SYNE4: variants seen among roughly 807,000 people sequenced by gnomAD.
The protein encoded by SYNE4 is spectrin repeat containing nuclear envelope family member 4.
In SYNE4, 41 loss-of-function variants were observed where a neutral mutation model predicts 46.9. The ratio of observed to expected loss-of-function variants is 0.87; its 90% CI spans 0.68 to 1.13. The LOEUF (loss-of-function observed/expected upper bound fraction) is 1.13. SYNE4 is among the 50% of genes most tolerant of loss of function. The pLI is 0.00. For synonymous variants in SYNE4, 221 were observed against 219.5 expected, an observed-to-expected ratio of 1.01 and a Z score of -0.06; for missense variants, 492 against 514.8, an observed-to-expected ratio of 0.96 and a Z score of 0.43.
In SYNE4 at chr19:36,008,581, C is replaced by T. The variant is rs1197697974; in HGVS notation, c.101G>A (p.Cys34Tyr). The change falls in exon 1 of 8, where the codon TGC becomes TAC. Residue 34 changes from cysteine to tyrosine, a missense_variant. Coordinates refer to ENST00000324444, the MANE Select transcript of SYNE4 (RefSeq NM_001039876.3). ...CGTGCTCTCCTCTCCGGACGCGGGG[C>T]AGACGGTGCATCCAACAATGTCCGC... ...READIVGCTV[C>Y]PASGEESTSP... is the part of the protein sequence containing the mutation. 6.2e-7 allele frequency: 1 copy of T among 1,613,980 alleles called. No individual in the cohort carries two copies. The highest frequency in any genetic ancestry group is 8.5e-7 in the Non-Finnish European group (1 of 1,179,932).
At chr19:36,006,208 C>T (rs1390066104) in intron 5 of SYNE4, 7 of 615,014 alleles carry the variant, frequency 1.1e-5, no homozygotes, top group Middle Eastern at 4.5e-4. Context: ...CTGGGGGCCT[C>T]AGGATAGGAG....
chr19:36,006,259 C>T (rs991564347), intron 5 of SYNE4, 164 bp downstream of exon 5: 17 of 990,772 alleles, frequency 1.7e-5, no homozygotes, highest in South Asian at 1.1e-4. Flanking sequence ...CAGAGACAGA[C>T]GAGAGAGAGA....
rs764238397 is a variant in SYNE4, at chr19:36,007,167, C to T, written c.381G>A (p.Leu127=). ...CACTCTGGGCCAATGCCCAGTGCCC[C>T]AGGCCTTGCTCCAGGTCCTGCAGCC... ...GRRLQDLEQG[L]GHWALAQSGM... The change falls in exon 3 of 8, where the codon CTG becomes CTA. Residue 127 remains leucine, a synonymous_variant. Coordinates refer to ENST00000324444, the MANE Select transcript of SYNE4 (RefSeq NM_001039876.3). 1 of 1,592,354 alleles carries T rather than the reference C, an allele frequency of 6.3e-7. No individual in the cohort carries two copies. Among genetic ancestry groups the T allele is most frequent in the Admixed American group, 1.8e-5 (1 of 57,114 alleles).
At position 36,006,856 on chromosome 19, in the gene SYNE4, C is replaced by G; in HGVS notation, c.512G>C (p.Arg171Thr). 6.3e-7 allele frequency: 1 copy of G among 1,585,582 alleles called. No individual in the cohort carries two copies. Among genetic ancestry groups the G allele is most frequent in the South Asian group, 1.1e-5 (1 of 87,516 alleles). The change falls in exon 4 of 8, where the codon AGG (arginine) becomes ACG (threonine). Residue 171 changes from arginine to threonine, a missense_variant. Physicochemically the swap from Arg to Thr is moderately conservative, Grantham distance 71. Coordinates refer to ENST00000324444, the MANE Select transcript of SYNE4 (RefSeq NM_001039876.3). ...GATCTGCTCCAGGGCTGCCCAGGCCCTGGGCTCACTCCGCTGTGCCAGCCC... is the reference window on the plus strand; with the variant it reads ...GATCTGCTCCAGGGCTGCCCAGGCCGTGGGCTCACTCCGCTGTGCCAGCCC... ...GEGLAQRSEP[R>T]AWAALEQILR...
chr19:36,003,654 T>C lies in SYNE4; in HGVS notation c.990A>G (p.Ala330=), dbSNP rs375197667. Residue 330 remains alanine (A), a synonymous_variant, in exon 7 of 8, where the codon GCA becomes GCG. Transcript: ENST00000324444. ...LRKPQDKKRQ[A]SPHLQDVRLE... is the part of the protein sequence containing the mutation. ...GCCTCACATCCTGGAGATGAGGAGA[T>C]GCTTGCCTCTTCTTGTCCTAAGGAG... 161 of 1,613,122 alleles carry C rather than the reference T, an allele frequency of 1.0e-4. 1 individual carries two copies. The highest frequency in any genetic ancestry group is 5.3e-4 in the Admixed American group (32 of 59,854).
chr19:36,005,351 G>A lies in SYNE4; in HGVS notation c.954C>T (p.Ser318=). The change falls in exon 6 of 8, where the codon TCC becomes TCT. Residue 318 remains serine, a synonymous_variant. Coordinates refer to ENST00000324444, the MANE Select transcript of SYNE4 (RefSeq NM_001039876.3). ...QKRLARHQRH[S]LLRKPQDKKR... is the part of the protein sequence containing the mutation. ...GGCTCACCTGAGGCTTCCGGAGCAG[G>A]GAGTGTCTTTGGTGACGTGCTAAGC... The A allele has an allele frequency of 6.2e-7, 1 of 1,614,102 alleles. No individual in the cohort carries two copies. The highest frequency in any genetic ancestry group is 8.5e-7 in the Non-Finnish European group (1 of 1,180,002).
Position 36,003,675 on chromosome 19 carries a change from A to G in SYNE4, c.973-4T>C. 1.2e-6 allele frequency: 2 copies of G among 1,612,226 alleles called. No homozygotes were observed. Among genetic ancestry groups the G allele is most frequent in the Non-Finnish European group, 1.7e-6 (2 of 1,179,358 alleles). On this transcript the variant is annotated splice_region_variant and splice_polypyrimidine_tract_variant and intron_variant, in intron 6 of 7. Coordinates refer to ENST00000324444, the MANE Select transcript of SYNE4 (RefSeq NM_001039876.3). ...GAGATGCTTGCCTCTTCTTGTCCTAAGGAGGGAGAGCAGCCAGCAGCAGAA... is the reference window on the plus strand; with the variant it reads ...GAGATGCTTGCCTCTTCTTGTCCTAGGGAGGGAGAGCAGCCAGCAGCAGAA...
In SYNE4 at chr19:36,006,963, C is replaced by T; in HGVS notation, c.424-19G>A. The T allele has an allele frequency of 6.5e-7, 1 of 1,534,490 alleles. No individual in the cohort carries two copies. The highest frequency in any genetic ancestry group is 8.8e-7 in the Non-Finnish European group (1 of 1,137,658). On this transcript the variant is annotated intron_variant, in intron 3 of 7. Transcript: ENST00000324444. The stretch of plus-strand genomic sequence containing the variant: ...GGAGGGCCTGGGGACATATGGACAT[C>T]ACCCCACGCACACACCAGGGACCCA...
chr19:36,006,998 G>T (rs1045641108), intron 3 of SYNE4, 54 bp from the exon 4 acceptor site: 254 of 1,530,498 alleles, frequency 1.7e-4, no homozygotes, highest in Non-Finnish European at 2.1e-4. Context: ...AAAACCTGGA[G>T]TTACCCCCCT....
intron 5 of SYNE4, 46 bp downstream of exon 5, chr19:36,006,377 C>A: frequency 6.4e-7 from 1 of 1,551,732 alleles, no homozygotes; most frequent in Non-Finnish European, 8.7e-7. Flanking sequence ...GCAGAGATGT[C>A]CCCAGGGTGC....
chr19:36,005,501 A>G, intron 5 of SYNE4, 64 bp from the exon 6 acceptor site: 1 of 1,487,940 alleles, frequency 6.7e-7, no homozygotes, highest in Non-Finnish European at 9.3e-7. Context: ...TGTCATAGAG[A>G]TGAGATTCTG....
intron 5 of SYNE4, chr19:36,005,835 A>G (rs1406455489): frequency 5.9e-6 from 1 of 168,330 alleles, no homozygotes; most frequent in Non-Finnish European, 1.3e-5. Context: ...CCTGGCCAAC[A>G]TGATGAAACC....
intron 6 of SYNE4, among the ~76,000 whole-genome samples, chr19:36,005,106 A>G (rs974265902): frequency 3.3e-5 from 5 of 151,740 alleles, no homozygotes; most frequent in South Asian, 2.1e-4. Flanking sequence ...GACCTCAGGT[A>G]ATCCACCCAC....
Position 36,005,448 on chromosome 19 carries a change from A to G in SYNE4, c.868-11T>C. ...AGAGGTGTCTGCTTCCTGGAGAACC[A>G]GCAACAAAGAAAAACGTGGTTGGGG... On this transcript the variant is annotated splice_polypyrimidine_tract_variant and intron_variant, in intron 5 of 7. Transcript: ENST00000324444. 1 of 1,613,832 alleles carries G rather than the reference A, an allele frequency of 6.2e-7. No individual in the cohort carries two copies. The highest frequency in any genetic ancestry group is 1.1e-5 in the South Asian group (1 of 91,074).
chr19:36,008,707 C>A lies in SYNE4; in HGVS notation c.-26G>T. The A allele has an allele frequency of 6.3e-7, 1 of 1,590,972 alleles. No homozygotes were observed. On this transcript the variant is annotated 5_prime_UTR_variant, in exon 1 of 8. Coordinates refer to ENST00000324444, the MANE Select transcript of SYNE4 (RefSeq NM_001039876.3). ...GGCTGGGGGCCTGGGGACACAAAGTCAGGTGAGGGCAGCCAGTAAGACCTC... is the reference window on the plus strand; with the variant it reads ...GGCTGGGGGCCTGGGGACACAAAGTAAGGTGAGGGCAGCCAGTAAGACCTC...
intron 6 of SYNE4, among the ~76,000 whole-genome samples, chr19:36,004,390 C>A (rs990109069): frequency 6.6e-6 from 1 of 152,218 alleles, no homozygotes; most frequent in Non-Finnish European, 1.5e-5. Flanking sequence ...TATTTCTTCT[C>A]CTTTCCTGGC....
At position 36,006,826 on chromosome 19, in the gene SYNE4, C is replaced by A. The variant is rs754361514; in HGVS notation, c.542G>T (p.Arg181Leu). ...RAWAALEQIL[R>L]ALGAYRDSIF... ...GGAGTCTCGGTAAGCTCCCAGGGCC[C>A]GCAGGATCTGCTCCAGGGCTGCCCA... Residue 181 changes from arginine (R) to leucine (L), a missense_variant, in exon 4 of 8, where the codon CGG becomes CTG. Transcript: ENST00000324444. 1.9e-6 allele frequency: 3 copies of A among 1,603,588 alleles called. No individual in the cohort carries two copies. The highest frequency in any genetic ancestry group is 2.6e-6 in the Non-Finnish European group (3 of 1,176,234).
chr19:36,006,801 G>A lies in SYNE4; in HGVS notation c.567C>T (p.Ser189=), dbSNP rs1204413569. ...ILRALGAYRD[S]IFRRLWQLQA... is the part of the protein sequence containing the mutation. ...GCAGCTGCCAGAGCCGCCGGAAGAT[G>A]GAGTCTCGGTAAGCTCCCAGGGCCC... The change falls in exon 4 of 8, where the codon TCC becomes TCT. Residue 189 remains serine, a synonymous_variant. Coordinates refer to ENST00000324444, the MANE Select transcript of SYNE4 (RefSeq NM_001039876.3). 6.2e-7 allele frequency: 1 copy of A among 1,611,124 alleles called. No homozygotes were observed. The highest frequency in any genetic ancestry group is 1.7e-5 in the Admixed American group (1 of 59,404).
rs1199582972 is a variant in SYNE4, at chr19:36,008,222, A to C, written c.274T>G (p.Cys92Gly). The C allele has an allele frequency of 6.2e-7, 1 of 1,610,126 alleles. No homozygotes were observed. The highest frequency in any genetic ancestry group is 8.5e-7 in the Non-Finnish European group (1 of 1,178,066). Residue 92 changes from cysteine (C) to glycine (G), a missense_variant, in exon 2 of 8, where the codon TGT becomes GGT. By Grantham distance (159) the Cys-to-Gly change is radical. Transcript: ENST00000324444. Reference protein sequence around the residue: ...SYEDPAGGKHCEHPISGLEVL... With the variant: ...SYEDPAGGKHGEHPISGLEVL... ...TCTGGGTCACCTCAGCTCACCTCAC[A>C]GTGTTTGCCCCCAGCTGGGTCCTCG...
Sources: allele counts gnomAD v4.1 joint callset (sites outside exome capture counted in the v4.1 genomes callset), GRCh38; gene constraint gnomAD v4.1.1; transcripts MANE v1.5; gene names NCBI Gene and HGNC (gene_info 2026-07-23, HGNC 2026-07-21).